The following FARP2 variants were observed in gnomAD, a reference collection of about 807,000 sequenced individuals.
FARP2 encodes the protein FERM, ARH/RhoGEF and pleckstrin domain protein 2.
A neutral mutation model predicts 130.5 loss-of-function variants in FARP2; 111 were observed. The ratio of observed to expected loss-of-function variants is 0.85; its 90% CI spans 0.73 to 1.00. The LOEUF is 1.00. FARP2 is among the 50% of genes least tolerant of loss of function. The pLI, the probability that FARP2 is intolerant of heterozygous loss-of-function variation, is 0.00. For synonymous variants in FARP2, 504 were observed against 516.9 expected (o/e 0.98, Z 0.34); for missense variants, 1,385 against 1,346.3 (o/e 1.03, Z -0.45).
At chr2:241,451,171 A>C (rs1172647798) in intron 13 of FARP2, among the ~76,000 whole-genome samples, 2 of 152,074 alleles carry the variant, frequency 1.3e-5, no homozygotes, top group African/African-American at 4.8e-5. Flanking sequence ...ACAGGGTTTC[A>C]CTGTGTTGCC....
Position 241,475,794 on chromosome 2 carries a change from T to C in FARP2, c.2132-63T>C, listed in dbSNP as rs1574897410. 4.2e-6 allele frequency: 6 copies of C among 1,419,126 alleles called. No individual in the cohort carries two copies. Among genetic ancestry groups the C allele is most frequent in the Non-Finnish European group, 5.6e-6 (6 of 1,070,520 alleles). The allele number at this position is 1,419,126 out of a possible 1,614,324, so 87.9% of individuals were successfully genotyped here. A position where few individuals can be genotyped will look rare whatever the true frequency, so the allele number is the denominator to read the frequency against. ...AATGCTGGTTCCTGTCACAAGGTGG[T>C]GGGTGGAGGGTGCTGTGCACACCAC... On this transcript the variant is annotated intron_variant, in intron 18 of 26. Coordinates refer to ENST00000264042, the MANE Select transcript of FARP2 (RefSeq NM_014808.4). The surrounding 1 kb of genome is among the most constrained non-coding windows in gnomAD (Gnocchi z 4.4).
At chr2:241,406,669 G>A (rs1051139777) in intron 4 of FARP2, among the ~76,000 whole-genome samples, 1 of 152,040 alleles carries the variant, frequency 6.6e-6, no homozygotes, top group Non-Finnish European at 1.5e-5. Flanking sequence ...TCACCATGTT[G>A]CGCAGGCTGG....
At chr2:241,463,207 G>A in intron 15 of FARP2, 128 bp from the exon 16 acceptor site, 2 of 934,940 alleles carry the variant, frequency 2.1e-6, no homozygotes, top group South Asian at 3.5e-5. Flanking sequence ...GTGCTGATCT[G>A]AACCCTCTTT....
rs546853825 is a variant in FARP2, at chr2:241,453,695, C to T, written c.1412-3052C>T. On this transcript the variant is annotated intron_variant, in intron 13 of 26. Transcript: ENST00000264042. ...TCCGTAGGACCAAAAATGTTTATTC[C>T]AAATGAGCAGTGTATCCTAAAGTGG... 3.4e-4 allele frequency among the ~76,000 whole-genome samples: 51 copies of T among 149,556 alleles called. 1 individual carries two copies. Among genetic ancestry groups the T allele is most frequent in the African/African-American group, 1.2e-3 (50 of 40,596 alleles).
intron 1 of FARP2, among the ~76,000 whole-genome samples, chr2:241,362,959 A>G (rs1210143779): frequency 6.6e-6 from 1 of 152,228 alleles, no homozygotes; most frequent in African/African-American, 2.4e-5. Flanking sequence ...TGGAGGGAGC[A>G]TACTCCATCT....
chr2:241,375,580 G>A (rs1353750527), intron 2 of FARP2, among the ~76,000 whole-genome samples: 1 of 152,134 alleles, frequency 6.6e-6, no homozygotes. Context: ...GCCATTTTGT[G>A]AAGGTTTTAC....
chr2:241,413,011 G>A (rs1189235060), intron 6 of FARP2, among the ~76,000 whole-genome samples: 3 of 152,170 alleles, frequency 2.0e-5, no homozygotes, highest in African/African-American at 7.2e-5. Context: ...CTGGTCAACA[G>A]AACGAGACCT....
chr2:241,453,817 T>G (rs1367341441), intron 13 of FARP2, among the ~76,000 whole-genome samples: 1 of 126,078 alleles, frequency 7.9e-6, no homozygotes, highest in East Asian at 2.8e-4. Flanking sequence ...GGGGCCTTCC[T>G]CTGTTGCCCA....
At position 241,441,367 on chromosome 2, in the gene FARP2, T is replaced by A; in HGVS notation, c.1222T>A (p.Ser408Thr). 3 of 1,614,098 alleles carry A rather than the reference T, an allele frequency of 1.9e-6. No homozygotes were observed. Among genetic ancestry groups the A allele is most frequent in the Non-Finnish European group, 2.5e-6 (3 of 1,179,972 alleles). Residue 408 changes from serine (S) to threonine (T), a missense_variant, in exon 13 of 27, where the codon TCG becomes ACG. Coordinates refer to ENST00000264042, the MANE Select transcript of FARP2 (RefSeq NM_014808.4). ...CCCATCTTCAGCGAATGCCTTTTAC[T>A]CGCTCTCTCCCTCCACTCTGGTCCC... ...ASPSSANAFY[S>T]LSPSTLVPSG... is the part of the protein sequence containing the mutation.
At chr2:241,436,204 C>T (rs1338815372) in intron 11 of FARP2, among the ~76,000 whole-genome samples, 2 of 152,048 alleles carry the variant, frequency 1.3e-5, no homozygotes, top group South Asian at 2.1e-4. Flanking sequence ...CCACTGCGCC[C>T]GGCCTATAGT....
In FARP2 at chr2:241,441,649, G is replaced by A. The variant is rs755101103; in HGVS notation, c.1411+93G>A. On this transcript the variant is annotated intron_variant, in intron 13 of 26. Transcript: ENST00000264042. ...CTTAGACCTAGACACAGGGAGGGCC[G>A]GTAGGGAGCTCAGCGCTGCTTGTAA... 3.0e-5 allele frequency: 46 copies of A among 1,546,010 alleles called. No individual in the cohort carries two copies. In the African/African-American group the frequency reaches 3.8e-4, roughly 13 times the overall value.
intron 7 of FARP2, 48 bp from the exon 8 acceptor site, chr2:241,417,914 C>T: frequency 6.2e-7 from 1 of 1,601,444 alleles, no homozygotes; most frequent in Non-Finnish European, 8.5e-7. Context: ...TTGGCTCTTT[C>T]AGAAATCAAG....
chr2:241,377,863 G>A (rs964125989), intron 2 of FARP2, among the ~76,000 whole-genome samples: 6 of 152,122 alleles, frequency 3.9e-5, no homozygotes, highest in African/African-American at 1.4e-4. Context: ...AGGACTGACA[G>A]AATACCTAGG....
chr2:241,365,097 C>T (rs1017669925), intron 1 of FARP2, among the ~76,000 whole-genome samples: 2 of 152,186 alleles, frequency 1.3e-5, no homozygotes, highest in Admixed American at 1.3e-4. Context: ...TCTCTCTCAG[C>T]TTGAACTCTT....
At position 241,411,035 on chromosome 2, in the gene FARP2, A is replaced by G; in HGVS notation, c.413A>G (p.Tyr138Cys). 1 of 1,601,270 alleles carries G rather than the reference A, an allele frequency of 6.2e-7. No homozygotes were observed. Among genetic ancestry groups the G allele is most frequent in the Non-Finnish European group, 8.5e-7 (1 of 1,170,398 alleles). ...TCTTATTTTGAACTCTCTTCTAGATACTTGTTTGCCTTGCAACTTAAGAGA... is the reference window on the plus strand; with the variant it reads ...TCTTATTTTGAACTCTCTTCTAGATGCTTGTTTGCCTTGCAACTTAAGAGA... The part of the protein sequence containing the change: ...PGQLQEEYTR[Y>C]LFALQLKRDL... The change falls in exon 6 of 27, where the codon TAC becomes TGC. Residue 138 changes from tyrosine to cysteine, a missense_variant and splice_region_variant. Transcript: ENST00000264042.
At chr2:241,396,139 A>T (rs1180792713) in intron 2 of FARP2, among the ~76,000 whole-genome samples, 3 of 152,130 alleles carry the variant, frequency 2.0e-5, no homozygotes, top group Non-Finnish European at 2.9e-5. Context: ...ATATGTAGAA[A>T]GCTGAAACTG....
Position 241,491,006 on chromosome 2 carries a change from T to A in FARP2, c.2505-55T>A, listed in dbSNP as rs942400892. Reference sequence around the variant, plus strand: ...TGACGGCTCGCCCTCCCTTGAGGGCTGGGGCCCTACACAAGGAAGAGCAGA... The same window carrying A: ...TGACGGCTCGCCCTCCCTTGAGGGCAGGGGCCCTACACAAGGAAGAGCAGA... On this transcript the variant is annotated intron_variant, in intron 22 of 26. Transcript: ENST00000264042. The A allele has an allele frequency of 5.1e-6, 7 of 1,372,960 alleles. No individual in the cohort carries two copies. In the Admixed American group the frequency reaches 1.2e-4, roughly 23 times the overall value. 85.0% of individuals were successfully genotyped at this position (1,372,960 alleles called of 1,614,324 possible). A position where few individuals can be genotyped will look rare whatever the true frequency, so the allele number is the denominator to read the frequency against.
At chr2:241,481,894 G>A (rs906889082) in intron 19 of FARP2, among the ~76,000 whole-genome samples, 3 of 152,210 alleles carry the variant, frequency 2.0e-5, no homozygotes, top group Admixed American at 2.0e-4. Flanking sequence ...TCTTGAGGAT[G>A]AACAGGGAAT....
chr2:241,399,746 A>G (rs549324654), intron 2 of FARP2, among the ~76,000 whole-genome samples: 1 of 152,010 alleles, frequency 6.6e-6, no homozygotes, highest in Non-Finnish European at 1.5e-5. Context: ...TGGGGGAGCT[A>G]GTGTTTTTTG....
Sources: allele counts gnomAD v4.1 joint callset (sites outside exome capture counted in the v4.1 genomes callset), GRCh38; gene constraint gnomAD v4.1.1; non-coding constraint Gnocchi (gnomAD v3.1); transcripts MANE v1.5; gene names NCBI Gene and HGNC (gene_info 2026-07-23, HGNC 2026-07-21).